The following SEC14L5 variants were observed in gnomAD, a reference collection of about 807,000 sequenced individuals.
SEC14L5 encodes SEC14 like lipid binding 5.
SEC14L5 carries 96 observed loss-of-function variants against 84.6 expected under a neutral mutation model. The observed-to-expected ratio is 1.13, with a 90% confidence interval of 0.96 to 1.34. SEC14L5 has a LOEUF of 1.34. Ranked by LOEUF, SEC14L5 falls within the 40% of genes most tolerant of loss-of-function variation. The pLI is 0.00. For missense variants in SEC14L5, 1,224 were observed against 942.5 expected, an observed-to-expected ratio of 1.30 and a Z score of -3.91; for synonymous variants, 546 against 383.4, an observed-to-expected ratio of 1.42 and a Z score of -4.95.
chr16:4,987,518 C>T (rs1285004594), intron 2 of SEC14L5, 39 bp from the exon 3 acceptor site: 4 of 1,471,862 alleles, frequency 2.7e-6, no homozygotes, highest in African/African-American at 2.9e-5. Flanking sequence ...GTCCCTCTGC[C>T]CCCCCCACCA....
chr16:4,967,561 C>CATTTTTTTTTTT (rs1568104233), intron 2 of SEC14L5, among the ~76,000 whole-genome samples: 1 of 86,272 alleles, frequency 1.2e-5, no homozygotes. Flanking sequence ...TTCTTTCTTT[C>CATTTTTTTTTTT]GTTTTTTTTT....
chr16:4,991,265 T>C (rs1190647793), intron 5 of SEC14L5, among the ~76,000 whole-genome samples: 1 of 149,920 alleles, frequency 6.7e-6, no homozygotes, highest in African/African-American at 2.5e-5. Context: ...ATGAAACAGA[T>C]GAAATTAACT....
At chr16:4,968,515 T>G (rs1955234696) in intron 2 of SEC14L5, among the ~76,000 whole-genome samples, 1 of 152,174 alleles carries the variant, frequency 6.6e-6, no homozygotes, top group South Asian at 2.1e-4. Flanking sequence ...TTTGTAGAGG[T>G]GAGCTCTCCC....
intron 2 of SEC14L5, among the ~76,000 whole-genome samples, chr16:4,979,563 G>A (rs1454251374): frequency 1.3e-5 from 2 of 152,092 alleles, no homozygotes; most frequent in African/African-American, 4.8e-5. Flanking sequence ...GGTACTCATC[G>A]GCACCTTTTG....
intron 2 of SEC14L5, among the ~76,000 whole-genome samples, chr16:4,975,221 C>G (rs770849978): frequency 2.6e-5 from 4 of 151,934 alleles, no homozygotes; most frequent in Non-Finnish European, 1.5e-5. Context: ...GCCTGTAATC[C>G]TAGCACTTTG....
At position 5,008,583 on chromosome 16, in the gene SEC14L5, G is replaced by A. The variant is rs1424459009; in HGVS notation, c.1735G>A (p.Val579Ile). 3 of 1,607,244 alleles carry A rather than the reference G, an allele frequency of 1.9e-6. No homozygotes were observed. Among genetic ancestry groups the A allele is most frequent in the Non-Finnish European group, 2.5e-6 (3 of 1,178,124 alleles). The part of the protein sequence containing the change: ...ASGQLIDKGW[V>I]LGRDYSRVEA... The stretch of plus-strand genomic sequence containing the variant: ...CGGGCAGCTGATCGACAAAGGCTGG[G>A]TCCTGGGCAGGGATTACAGCCGTGT... Residue 579 changes from valine (V) to isoleucine (I), a missense_variant, in exon 14 of 16, where the codon GTC becomes ATC. By Grantham distance (29) the Val-to-Ile change is conservative. Coordinates refer to ENST00000251170, the MANE Select transcript of SEC14L5 (RefSeq NM_014692.2).
chr16:4,968,964 T>C (rs1955239261), intron 2 of SEC14L5, among the ~76,000 whole-genome samples: 1 of 152,394 alleles, frequency 6.6e-6, no homozygotes, highest in South Asian at 2.1e-4. Context: ...AGGTAAATTA[T>C]TGTGGCTTAG....
intron 2 of SEC14L5, among the ~76,000 whole-genome samples, chr16:4,978,050 C>T (rs924083556): frequency 6.7e-6 from 1 of 148,646 alleles, no homozygotes. Context: ...GATCCACCTG[C>T]CTCGGCCTCC....
In SEC14L5 at chr16:5,012,396, C is replaced by T. The variant is rs755765102; in HGVS notation, c.1979+1123C>T. On this transcript the variant is annotated intron_variant, in intron 15 of 15. Coordinates refer to ENST00000251170, the MANE Select transcript of SEC14L5 (RefSeq NM_014692.2). ...GGTCACCATGAGAGGACCTTACTGC[C>T]CTGTCCTCTTGTAGCCTCATGAGAA... Among the ~76,000 whole-genome samples, 60 of 152,102 alleles carry T rather than the reference C, an allele frequency of 3.9e-4. 1 individual carries two copies. Among genetic ancestry groups the T allele is most frequent in the Non-Finnish European group, 2.4e-4 (16 of 68,014 alleles).
At position 5,008,514 on chromosome 16, in the gene SEC14L5, C is replaced by T. The variant is rs911878110; in HGVS notation, c.1666C>T (p.Gln556Ter). 1 of 1,609,654 alleles carries T rather than the reference C, an allele frequency of 6.2e-7. No individual in the cohort carries two copies. Among genetic ancestry groups the T allele is most frequent in the Non-Finnish European group, 8.5e-7 (1 of 1,178,532 alleles). ...DVVFSLYHTK[Q>*]APRLGAREPG... ...GGTGTTCAGCCTGTACCACACCAAG[C>T]AGGCGCCCAGGCTGGGCGCCCGGGA... is the stretch of plus-strand genomic sequence containing the variant. Residue 556 changes from glutamine to a stop codon, truncating the protein, a stop_gained, in exon 14 of 16, where the codon CAG (glutamine) becomes TAG (stop). Transcript: ENST00000251170. LOFTEE classifies it high-confidence loss of function.
intron 5 of SEC14L5, among the ~76,000 whole-genome samples, chr16:4,991,476 G>A (rs1210849654): frequency 6.6e-6 from 1 of 151,936 alleles, no homozygotes; most frequent in African/African-American, 2.4e-5. Context: ...TGAGGCAGGA[G>A]GATCTCTTGA....
chr16:5,005,272 G>T (rs1306830998), intron 11 of SEC14L5, among the ~76,000 whole-genome samples: 1 of 151,988 alleles, frequency 6.6e-6, no homozygotes, highest in Non-Finnish European at 1.5e-5. Context: ...CCAAGATTGC[G>T]CCATTGCACT....
intron 15 of SEC14L5, 113 bp downstream of exon 15, chr16:5,011,386 C>A: frequency 2.8e-6 from 3 of 1,084,180 alleles, no homozygotes; most frequent in Non-Finnish European, 4.0e-6. Context: ...GGGGTGGGAC[C>A]CCAGCATGGG....
rs147701615 is a variant in SEC14L5 at position 5,009,083 on chromosome 16, C to T, written c.1800+435C>T. 2.6e-5 allele frequency among the ~76,000 whole-genome samples: 4 copies of T among 152,316 alleles called. No homozygotes were observed. The East Asian group carries it at 7.7e-4, about 29-fold the overall frequency. ...TCCAAAACCAAGGTGTTGGCAGGGC[C>T]ACGCTCCCTCTGAAGGCTGTAGGGA... On this transcript the variant is annotated intron_variant, in intron 14 of 15. Transcript: ENST00000251170.
chr16:4,983,868 ACT>A (rs1334415693), intron 2 of SEC14L5, among the ~76,000 whole-genome samples: 1 of 141,924 alleles, frequency 7.0e-6, no homozygotes, highest in African/African-American at 2.6e-5. Context: ...CAAGAACAAA[ACT>A]CTGTCTCAAA....
chr16:4,977,528 A>C (rs1416509666), intron 2 of SEC14L5, among the ~76,000 whole-genome samples: 4 of 151,446 alleles, frequency 2.6e-5, no homozygotes, highest in Non-Finnish European at 5.9e-5. Context: ...ATGCTGAATT[A>C]AATGCCTACC....
chr16:5,001,386 G>A (rs565072449), intron 10 of SEC14L5, among the ~76,000 whole-genome samples: 131 of 151,872 alleles, frequency 8.6e-4, no homozygotes, highest in African/African-American at 3.1e-3. Context: ...AGCCTCCAGA[G>A]TAGCTGGGAC....
intron 15 of SEC14L5, among the ~76,000 whole-genome samples, chr16:5,011,553 G>T (rs894559530): frequency 1.3e-5 from 2 of 152,148 alleles, no homozygotes; most frequent in Non-Finnish European, 2.9e-5. Context: ...GAGGAGAAGG[G>T]GAGTCTTAAA....
chr16:5,003,586 G>A lies in SEC14L5; in HGVS notation c.1302+13G>A, dbSNP rs967042146. 4 of 1,526,120 alleles carry A rather than the reference G, an allele frequency of 2.6e-6. No individual in the cohort carries two copies. Among genetic ancestry groups the A allele is most frequent in the South Asian group, 2.4e-5 (2 of 85,102 alleles). The allele number at this position is 1,526,120 out of a possible 1,614,324, so 94.5% of individuals were successfully genotyped here. A position where few individuals can be genotyped will look rare whatever the true frequency, so the allele number is the denominator to read the frequency against. On this transcript the variant is annotated intron_variant, in intron 11 of 15. Transcript: ENST00000251170. ...GCTCTGGACACTGGTAAGAGCTGGAGCCTGGGCCAGGACTCTCCCTGGGGG... is the reference window on the plus strand; with the variant it reads ...GCTCTGGACACTGGTAAGAGCTGGAACCTGGGCCAGGACTCTCCCTGGGGG...
Sources: gnomAD v4.1 joint callset for allele counts (sites outside exome capture counted in the v4.1 genomes callset) on GRCh38, gnomAD v4.1.1 for gene constraint, MANE v1.5 for transcripts, NCBI Gene and HGNC (gene_info 2026-07-23, HGNC 2026-07-21) for gene names.